Variants in NTN4 observed in about 807,000 individuals in gnomAD.
NTN4 encodes the protein netrin 4.
In NTN4, 32 loss-of-function variants were observed where a neutral mutation model predicts 73.6. The ratio of observed to expected loss-of-function variants is 0.44; its 90% CI spans 0.33 to 0.58. The LOEUF is 0.58. Ranked by LOEUF, NTN4 falls within the 20% of genes least tolerant of loss-of-function variation. The pLI is 0.04. For synonymous variants in NTN4, 258 were observed against 287.5 expected, an observed-to-expected ratio of 0.90 and a Z score of 1.04; for missense variants, 654 against 798.3, an observed-to-expected ratio of 0.82 and a Z score of 2.18.
chr12:95,737,275 A>C (rs552464769), intron 3 of NTN4, among the ~76,000 whole-genome samples: 1 of 152,312 alleles, frequency 6.6e-6, no homozygotes, highest in South Asian at 2.1e-4. Flanking sequence ...TCCTGAGGAT[A>C]CAAAGATCAT....
chr12:95,785,830 G>A (rs1052686045), intron 2 of NTN4, among the ~76,000 whole-genome samples: 5 of 152,224 alleles, frequency 3.3e-5, no homozygotes, highest in African/African-American at 1.2e-4. Flanking sequence ...GGTGATCCAT[G>A]TATTGGATAT....
At chr12:95,768,046 G>A (rs1396840503) in intron 2 of NTN4, among the ~76,000 whole-genome samples, 1 of 152,156 alleles carries the variant, frequency 6.6e-6, no homozygotes, top group East Asian at 1.9e-4. Context: ...GAAACCATAC[G>A]AAGCAATACA....
At chr12:95,786,704 G>T (rs1441125028) in intron 2 of NTN4, among the ~76,000 whole-genome samples, 1 of 152,092 alleles carries the variant, frequency 6.6e-6, no homozygotes, top group Admixed American at 6.5e-5. Context: ...TTTTTTATAT[G>T]TGAAAAATTT....
chr12:95,713,487 G>C lies in NTN4; in HGVS notation c.865-149C>G, dbSNP rs997059126. 3.6e-5 allele frequency: 30 copies of C among 829,184 alleles called. No individual in the cohort carries two copies. The Admixed American group carries it at 9.4e-4, about 26-fold the overall frequency. The allele number at this position is 829,184 out of a possible 1,614,324, so 51.4% of individuals were successfully genotyped here. ...GAAGTTAGCCATCAAGAGGAGAGAT[G>C]CTTTCTTTAGTTTGTCTTATCATCT... On this transcript the variant is annotated intron_variant, in intron 3 of 9. Transcript: ENST00000343702.
chr12:95,758,051 T>A (rs988584606), intron 2 of NTN4, among the ~76,000 whole-genome samples: 1 of 152,216 alleles, frequency 6.6e-6, no homozygotes, highest in African/African-American at 2.4e-5. Flanking sequence ...CTGTGAACAT[T>A]CACGCAGAAG....
At chr12:95,770,732 G>A (rs10777735) in intron 2 of NTN4, among the ~76,000 whole-genome samples, 91,151 of 152,116 alleles carry the variant, frequency 0.6, 28,088 homozygotes, top group South Asian at 0.78. Context: ...AGTAGCAGCC[G>A]GAAGACAGTG....
At chr12:95,698,343 A>C (rs150838264) in intron 5 of NTN4, among the ~76,000 whole-genome samples, 1 of 152,152 alleles carries the variant, frequency 6.6e-6, no homozygotes, top group Non-Finnish European at 1.5e-5. Context: ...TTCTTTATGC[A>C]CCTTCTAATT....
intron 5 of NTN4, among the ~76,000 whole-genome samples, chr12:95,704,111 T>C (rs2431010): frequency 0.81 from 123,363 of 151,914 alleles, 50,217 homozygotes; most frequent in South Asian, 0.86. Flanking sequence ...ACCTTTAATA[T>C]GATTCAATAG....
chr12:95,754,543 T>A (rs2078934187), intron 2 of NTN4, among the ~76,000 whole-genome samples: 1 of 152,078 alleles, frequency 6.6e-6, no homozygotes, highest in South Asian at 2.1e-4. Flanking sequence ...AACTGAAGAA[T>A]CACAAAAGAA....
intron 3 of NTN4, among the ~76,000 whole-genome samples, chr12:95,731,214 C>T (rs2121153035): frequency 6.6e-6 from 1 of 152,160 alleles, no homozygotes; most frequent in Admixed American, 6.5e-5. Context: ...AGCAGTCATA[C>T]CTTCTAGGGT....
intron 3 of NTN4, among the ~76,000 whole-genome samples, chr12:95,722,062 T>C (rs2078652238): frequency 6.6e-6 from 1 of 150,962 alleles, no homozygotes; most frequent in African/African-American, 2.4e-5. Context: ...TGTGATTCAG[T>C]AGATCTTTTT....
intron 3 of NTN4, among the ~76,000 whole-genome samples, chr12:95,737,293 C>A (rs1452190891): frequency 6.6e-6 from 1 of 152,210 alleles, no homozygotes; most frequent in African/African-American, 2.4e-5. Flanking sequence ...CATACAGTTC[C>A]TCAGAGAGTT....
intron 5 of NTN4, among the ~76,000 whole-genome samples, chr12:95,686,494 C>A (rs1057487668): frequency 2.0e-5 from 3 of 152,100 alleles, no homozygotes; most frequent in African/African-American, 7.2e-5. Flanking sequence ...CGTGGTGGCT[C>A]ACACCTGTAA....
chr12:95,689,716 C>G (rs2078387902), intron 5 of NTN4, among the ~76,000 whole-genome samples: 1 of 152,242 alleles, frequency 6.6e-6, no homozygotes, highest in African/African-American at 2.4e-5. Flanking sequence ...AGAGCAGTAG[C>G]TCCACTTGCC....
chr12:95,788,882 C>T (rs1162766878), intron 1 of NTN4, among the ~76,000 whole-genome samples: 2 of 152,148 alleles, frequency 1.3e-5, no homozygotes, highest in African/African-American at 4.8e-5. Context: ...TCATATACTG[C>T]CTGTACAAGT....
At chr12:95,734,940 G>A (rs1432713860) in intron 3 of NTN4, among the ~76,000 whole-genome samples, 1 of 152,196 alleles carries the variant, frequency 6.6e-6, no homozygotes, top group Non-Finnish European at 1.5e-5. Flanking sequence ...TCTGGAGGCT[G>A]AGGCAGGAGA....
rs1464406824 is a variant in NTN4, at chr12:95,787,362, A to T, written c.162T>A (p.Gly54=). 1.2e-6 allele frequency: 2 copies of T among 1,614,070 alleles called. No homozygotes were observed. Among genetic ancestry groups the T allele is most frequent in the African/African-American group, 1.3e-5 (1 of 74,918 alleles). ...AGCAGTACAGTTCGGTAGCATTCTGACCGCAGGTGGTGTCTGCCCAGAGTT... is the reference window on the plus strand; with the variant it reads ...AGCAGTACAGTTCGGTAGCATTCTGTCCGCAGGTGGTGTCTGCCCAGAGTT... ...GRKLWADTTC[G]QNATELYCFY... is the part of the protein sequence containing the mutation. The change falls in exon 2 of 10, where the codon GGT becomes GGA. Residue 54 remains glycine, a synonymous_variant. Transcript: ENST00000343702.
intron 3 of NTN4, among the ~76,000 whole-genome samples, chr12:95,734,035 A>C (rs1385876850): frequency 1.4e-5 from 2 of 145,066 alleles, no homozygotes; most frequent in African/African-American, 5.1e-5. Flanking sequence ...ACGCCACTGC[A>C]CTCCAGCCTG....
intron 2 of NTN4, among the ~76,000 whole-genome samples, chr12:95,767,731 C>A (rs968061380): frequency 6.6e-6 from 1 of 152,186 alleles, no homozygotes; most frequent in African/African-American, 2.4e-5. Flanking sequence ...CAACGCCCCC[C>A]CTCCAAGTGA....
Sources: gnomAD v4.1 joint callset for allele counts (sites outside exome capture counted in the v4.1 genomes callset) on GRCh38, gnomAD v4.1.1 for gene constraint, MANE v1.5 for transcripts, NCBI Gene and HGNC (gene_info 2026-07-23, HGNC 2026-07-21) for gene names.